The following IGSF3 variants were observed in gnomAD, a reference collection of about 807,000 sequenced individuals.
IGSF3 encodes immunoglobulin superfamily member 3, also known as glu-Trp-Ile EWI motif-containing protein 3.
A neutral mutation model predicts 114.4 loss-of-function variants in IGSF3; 23 were observed. The ratio of observed to expected loss-of-function variants is 0.20; its 90% CI spans 0.14 to 0.28. The LOEUF (loss-of-function observed/expected upper bound fraction) is 0.28, where lower values mean the gene tolerates loss of function less well. Among genes scored for constraint, IGSF3 ranks in the 10% least tolerant of loss-of-function variants. The pLI is 1.00. For missense variants in IGSF3, 1,172 were observed against 1,591.5 expected (o/e 0.74, Z 4.48); for synonymous variants, 571 against 645.2 (o/e 0.88, Z 1.74).
chr1:116,579,590 C>G lies in IGSF3; in HGVS notation c.3136G>C (p.Gly1046Arg). 1.2e-6 allele frequency: 2 copies of G among 1,614,114 alleles called. No homozygotes were observed. The highest frequency in any genetic ancestry group is 2.2e-5 in the East Asian group (1 of 44,868). The part of the protein sequence containing the change: ...VGPDAVFGPE[G>R]SPWEGRLRFQ... ...CGAAGCCTGCCCTCCCAAGGACTGC[C>G]CTCTGGGCCAAAGACAGCATCTGGG... The change falls in exon 10 of 11, where the codon GGC (glycine) becomes CGC (arginine). Residue 1046 changes from glycine (G) to arginine (R), a missense_variant. Physicochemically the swap from Gly to Arg is moderately radical, Grantham distance 125. Transcript: ENST00000369486. This position sits in a 1 kb window ranked among gnomAD's most constrained non-coding sequence, Gnocchi z 6.4.
In IGSF3 at chr1:116,607,847, C is replaced by T; in HGVS notation, c.1222+95G>A. The T allele has an allele frequency of 8.0e-7, 1 of 1,251,354 alleles. No homozygotes were observed. The highest frequency in any genetic ancestry group is 1.9e-5 in the Admixed American group (1 of 52,596). The allele number at this position is 1,251,354 out of a possible 1,614,324, so 77.5% of individuals were successfully genotyped here. On this transcript the variant is annotated intron_variant, in intron 5 of 10. Transcript: ENST00000369486. The surrounding 1 kb of genome is among the most constrained non-coding windows in gnomAD (Gnocchi z 6.1). ...CATTAACCTCGAGGGTTCCATCTGC[C>T]TCCCCTCACCTTCACCACGCTATTC...
intron 7 of IGSF3, among the ~76,000 whole-genome samples, chr1:116,591,830 G>A (rs1571129304): frequency 6.6e-6 from 1 of 152,126 alleles, no homozygotes; most frequent in Non-Finnish European, 1.5e-5. Context: ...ACAGAGCTAG[G>A]AGAGCCCTGC....
Position 116,582,746 on chromosome 1 carries a change from T to G in IGSF3, c.2848+1899A>C, listed in dbSNP as rs1457323413. The stretch of plus-strand genomic sequence containing the variant: ...ACATAAAACAGTAAGATCCTGAGTT[T>G]GTTTACAGACAGAGGAAATATGAAG... On this transcript the variant is annotated intron_variant, in intron 9 of 10. Transcript: ENST00000369486. This position sits in a 1 kb window ranked among gnomAD's most constrained non-coding sequence, Gnocchi z 4.7. Among the ~76,000 whole-genome samples the G allele has an allele frequency of 2.0e-5, 3 of 152,192 alleles. No individual in the cohort carries two copies. The highest frequency in any genetic ancestry group is 6.5e-5 in the Admixed American group (1 of 15,278).
intron 8 of IGSF3, among the ~76,000 whole-genome samples, chr1:116,587,067 C>T (rs1659880199): frequency 6.6e-6 from 1 of 151,962 alleles, no homozygotes; most frequent in Non-Finnish European, 1.5e-5. Context: ...CAGCAGGGCA[C>T]AGGCCACATG....
chr1:116,584,724 C>G lies in IGSF3; in HGVS notation c.2769G>C (p.Trp923Cys), dbSNP rs1298395157. ...ACCACATGCCACTGGGGCTGGGCAG[C>G]CACTCCTCCACATGGCAGCTGTAGG... ...SGTYSCHVEE[W>C]LPSPSGMWYK... is the part of the protein sequence containing the mutation. Residue 923 changes from tryptophan to cysteine, a missense_variant, in exon 9 of 11, where the codon TGG (tryptophan) becomes TGC (cysteine). Physicochemically the swap from Trp to Cys is radical, Grantham distance 215. This residue lies in a region of IGSF3 where 423 missense variants were observed against 509.8 expected (regional missense o/e 0.83). Coordinates refer to ENST00000369486, the MANE Select transcript of IGSF3 (RefSeq NM_001007237.3). This position sits in a 1 kb window ranked among gnomAD's most constrained non-coding sequence, Gnocchi z 5.8. The G allele has an allele frequency of 1.2e-6, 2 of 1,613,284 alleles. No homozygotes were observed. Among genetic ancestry groups the G allele is most frequent in the Non-Finnish European group, 1.7e-6 (2 of 1,179,314 alleles).
In IGSF3 at chr1:116,577,100, CACA is replaced by C. The variant is rs1659377624; in HGVS notation, c.*209_*211del. The C allele has an allele frequency of 8.7e-6, 5 of 571,840 alleles. No homozygotes were observed. The East Asian group carries it at 1.2e-4, about 13-fold the overall frequency. The allele number at this position is 571,840 out of a possible 1,614,324, so 35.4% of individuals were successfully genotyped here. A position where few individuals can be genotyped will look rare whatever the true frequency, so the allele number is the denominator to read the frequency against. On this transcript the variant is annotated 3_prime_UTR_variant, in exon 11 of 11. Coordinates refer to ENST00000369486, the MANE Select transcript of IGSF3 (RefSeq NM_001007237.3). The surrounding 1 kb of genome is among the most constrained non-coding windows in gnomAD (Gnocchi z 5.7). ...AACAAGAAATCTATAATGGCAGGAT[CACA>C]ACATTTGCGCGCAAATAGCTAACCA...
rs553751947 is a variant in IGSF3 at position 116,577,953 on chromosome 1, T to G, written c.3335-391A>C. ...CATGCCCCTTTGCACTTAGTTCTGC[T>G]ACAGACTTCCTTCTCTGGGATTATG... On this transcript the variant is annotated intron_variant, in intron 10 of 10. Coordinates refer to ENST00000369486, the MANE Select transcript of IGSF3 (RefSeq NM_001007237.3). The surrounding 1 kb of genome is among the most constrained non-coding windows in gnomAD (Gnocchi z 5.7). 7.2e-4 allele frequency among the ~76,000 whole-genome samples: 109 copies of G among 152,330 alleles called. No individual in the cohort carries two copies. The highest frequency in any genetic ancestry group is 1.2e-3 in the Non-Finnish European group (85 of 68,036).
intron 2 of IGSF3, among the ~76,000 whole-genome samples, chr1:116,656,011 TCA>T (rs1396231518): frequency 6.6e-6 from 1 of 152,162 alleles, no homozygotes; most frequent in African/African-American, 2.4e-5. Context: ...CCCAATGATT[TCA>T]CAAATTACAG....
At chr1:116,580,196 C>CG (rs997838783) in intron 9 of IGSF3, among the ~76,000 whole-genome samples, 55 of 152,204 alleles carry the variant, frequency 3.6e-4, no homozygotes, top group African/African-American at 1.2e-3. Flanking sequence ...ATGGGAATCC[C>CG]GGGGGGAAGA....
Position 116,654,559 on chromosome 1 carries a change from G to A in IGSF3, c.43+11725C>T, listed in dbSNP as rs1255877532. 2.6e-5 allele frequency among the ~76,000 whole-genome samples: 4 copies of A among 152,144 alleles called. No homozygotes were observed. The highest frequency in any genetic ancestry group is 6.5e-5 in the Admixed American group (1 of 15,286). ...GTCCCTCACCCTCCCTTGCCAGGGC[G>A]CCCTCAGGGAGGCCACACTGCAGGA... On this transcript the variant is annotated intron_variant, in intron 2 of 10. Transcript: ENST00000369486. The surrounding 1 kb of genome is among the most constrained non-coding windows in gnomAD (Gnocchi z 4.4).
intron 2 of IGSF3, among the ~76,000 whole-genome samples, chr1:116,645,984 A>G (rs985636704): frequency 1.3e-5 from 2 of 152,190 alleles, no homozygotes; most frequent in African/African-American, 4.8e-5. Context: ...TGGGGCACAA[A>G]GTGGGAGCCA....
rs1660448500 is a variant in IGSF3 at position 116,598,782 on chromosome 1, C to T, written c.2029+1159G>A. On this transcript the variant is annotated intron_variant, in intron 7 of 10. Transcript: ENST00000369486. This position sits in a 1 kb window ranked among gnomAD's most constrained non-coding sequence, Gnocchi z 4.3. ...AGGGAAGGAACACGGGAGCCTACTG[C>T]CTGGGCTCCACCCTCCACCAGCTTC... 6.6e-6 allele frequency among the ~76,000 whole-genome samples: 1 copy of T among 152,214 alleles called. No individual in the cohort carries two copies. Among genetic ancestry groups the T allele is most frequent in the Non-Finnish European group, 1.5e-5 (1 of 68,038 alleles).
At chr1:116,640,249 T>C (rs1285734053) in intron 2 of IGSF3, among the ~76,000 whole-genome samples, 1 of 152,198 alleles carries the variant, frequency 6.6e-6, no homozygotes, top group Non-Finnish European at 1.5e-5. Context: ...CACAGACACA[T>C]GTATAACAAA....
rs1198758247 is a variant in IGSF3 at position 116,657,818 on chromosome 1, C to T, written c.43+8466G>A. Among the ~76,000 whole-genome samples the T allele has an allele frequency of 6.6e-6, 1 of 152,126 alleles. No homozygotes were observed. Among genetic ancestry groups the T allele is most frequent in the African/African-American group, 2.4e-5 (1 of 41,414 alleles). On this transcript the variant is annotated intron_variant, in intron 2 of 10. Transcript: ENST00000369486. This position sits in a 1 kb window ranked among gnomAD's most constrained non-coding sequence, Gnocchi z 4.2. Reference sequence around the variant, plus strand: ...TCAGACAATGGGTCACATGCAAAAACAGAATTAAATACACAAAAATAGCAC... The same window carrying T: ...TCAGACAATGGGTCACATGCAAAAATAGAATTAAATACACAAAAATAGCAC...
Position 116,608,362 on chromosome 1 carries a change from C to G in IGSF3, c.833-31G>C, listed in dbSNP as rs779936273. On this transcript the variant is annotated intron_variant, in intron 4 of 10. Transcript: ENST00000369486. ...AGAACAAGTAAGAAAAGAGACACATCCTGGGTGAATGAGGGCCCCAGCCAA... is the reference window on the plus strand; with the variant it reads ...AGAACAAGTAAGAAAAGAGACACATGCTGGGTGAATGAGGGCCCCAGCCAA... The G allele has an allele frequency of 2.5e-5, 39 of 1,580,708 alleles. No individual in the cohort carries two copies. In the South Asian group the frequency reaches 2.7e-4, roughly 11 times the overall value.
rs1648498301 is a variant in IGSF3, at chr1:116,648,522, GCCTC to G, written c.43+17758_43+17761del. The stretch of plus-strand genomic sequence containing the variant: ...CGAAAACCAGATGCCAAAGCCAAAG[GCCTC>G]CCAGCACTCACAAGGCCCTTTGCCC... On this transcript the variant is annotated intron_variant, in intron 2 of 10. Coordinates refer to ENST00000369486, the MANE Select transcript of IGSF3 (RefSeq NM_001007237.3). The surrounding 1 kb of genome is among the most constrained non-coding windows in gnomAD (Gnocchi z 4.7). Among the ~76,000 whole-genome samples, 1 of 152,128 alleles carries G rather than the reference GCCTC, an allele frequency of 6.6e-6. No individual in the cohort carries two copies. Among genetic ancestry groups the G allele is most frequent in the Non-Finnish European group, 1.5e-5 (1 of 68,030 alleles).
intron 9 of IGSF3, among the ~76,000 whole-genome samples, chr1:116,580,334 A>G (rs1659548368): frequency 6.6e-6 from 1 of 152,210 alleles, no homozygotes; most frequent in Admixed American, 6.5e-5. Context: ...AGCAAAGAGG[A>G]GGTCTTGCTG....
At chr1:116,586,553 T>C (rs543579709) in intron 8 of IGSF3, among the ~76,000 whole-genome samples, 1 of 152,302 alleles carries the variant, frequency 6.6e-6, no homozygotes, top group South Asian at 2.1e-4. Flanking sequence ...GTTCCATGTT[T>C]ACGGTGTTAA....
rs1649270669 is a variant in IGSF3 at position 116,664,993 on chromosome 1, A to AG, written c.43+1290dup. Among the ~76,000 whole-genome samples, 1 of 152,240 alleles carries AG rather than the reference A, an allele frequency of 6.6e-6. No homozygotes were observed. Among genetic ancestry groups the AG allele is most frequent in the African/African-American group, 2.4e-5 (1 of 41,456 alleles). ...CCCCAGTGATTCCAACATGCACACG[A>AG]GAGTTTGAGAACCACTGATTGCACA... On this transcript the variant is annotated intron_variant, in intron 2 of 10. Transcript: ENST00000369486. The surrounding 1 kb of genome is among the most constrained non-coding windows in gnomAD (Gnocchi z 4.6).
Sources: allele counts gnomAD v4.1 joint callset (sites outside exome capture counted in the v4.1 genomes callset), GRCh38; gene constraint gnomAD v4.1.1; regional missense constraint gnomAD v4.1.1; non-coding constraint Gnocchi (gnomAD v3.1); transcripts MANE v1.5; gene names NCBI Gene and HGNC (gene_info 2026-07-23, HGNC 2026-07-21).